The following VWA8 variants were observed in gnomAD, a reference collection of about 807,000 sequenced individuals.
VWA8 encodes the protein von Willebrand factor A domain containing 8, also known as von Willebrand factor A domain-containing protein 8.
Under a neutral mutation model 241.5 loss-of-function variants are expected in VWA8, and 221 were observed. The observed-to-expected ratio is 0.91, with a 90% CI of 0.82 to 1.02. The LOEUF (loss-of-function observed/expected upper bound fraction) is 1.02. VWA8 is among the 50% of genes least tolerant of loss of function. VWA8 has a pLI of 0.00. For synonymous variants in VWA8, 852 were observed against 827.1 expected, an observed-to-expected ratio of 1.03 and a Z score of -0.52; for missense variants, 2,322 against 2,328.7, an observed-to-expected ratio of 1.00 and a Z score of 0.06.
At chr13:41,804,254 A>G (rs1264393104) in intron 17 of VWA8, among the ~76,000 whole-genome samples, 3 of 152,196 alleles carry the variant, frequency 2.0e-5, no homozygotes, top group African/African-American at 7.2e-5. Flanking sequence ...AGGTACCTAA[A>G]AGCAGGAAGA....
intron 4 of VWA8, among the ~76,000 whole-genome samples, chr13:41,901,889 A>AAAAAAAAAT (rs1566500253): frequency 1.2e-5 from 1 of 83,328 alleles, no homozygotes; most frequent in Non-Finnish European, 2.2e-5. Context: ...AAAAAAAAAA[A>AAAAAAAAAT]ATATATATAT....
At chr13:41,735,970 G>T (rs1364073548) in intron 21 of VWA8, among the ~76,000 whole-genome samples, 2 of 152,092 alleles carry the variant, frequency 1.3e-5, no homozygotes, top group Non-Finnish European at 2.9e-5. Flanking sequence ...GACCCTAAGA[G>T]AATATTTTAT....
chr13:41,622,755 T>C (rs1302469725), intron 37 of VWA8, among the ~76,000 whole-genome samples: 1 of 152,238 alleles, frequency 6.6e-6, no homozygotes, highest in Non-Finnish European at 1.5e-5. Flanking sequence ...CCTGTAATTC[T>C]GGGCAAGGCC....
At chr13:41,929,548 C>CA (rs1016237709) in intron 2 of VWA8, among the ~76,000 whole-genome samples, 11 of 151,106 alleles carry the variant, frequency 7.3e-5, no homozygotes, top group African/African-American at 1.5e-4. Context: ...ATGATACTGG[C>CA]AAAAAAAAGA....
At chr13:41,785,532 G>T (rs761579067) in intron 18 of VWA8, among the ~76,000 whole-genome samples, 6 of 152,102 alleles carry the variant, frequency 3.9e-5, no homozygotes, top group Non-Finnish European at 8.8e-5. Context: ...AAGCGTTTTG[G>T]AAGACAATGG....
At chr13:41,926,614 A>G (rs1876854373) in intron 2 of VWA8, 1 of 546,348 alleles carries the variant, frequency 1.8e-6, no homozygotes, top group Non-Finnish European at 3.7e-6. Flanking sequence ...TGGCCTATGC[A>G]GACTACCACA....
intron 17 of VWA8, among the ~76,000 whole-genome samples, chr13:41,796,569 C>T (rs968231426): frequency 6.6e-6 from 1 of 151,912 alleles, no homozygotes; most frequent in African/African-American, 2.4e-5. Context: ...TTTACCAAGG[C>T]TTTATCTATT....
chr13:41,723,151 C>A (rs2045406329), intron 24 of VWA8, among the ~76,000 whole-genome samples: 1 of 152,100 alleles, frequency 6.6e-6, no homozygotes, highest in African/African-American at 2.4e-5. Context: ...AAAACATATT[C>A]TCTCTCTCTG....
chr13:41,894,999 T>C (rs553558488), intron 4 of VWA8, among the ~76,000 whole-genome samples: 1 of 151,842 alleles, frequency 6.6e-6, no homozygotes, highest in African/African-American at 2.4e-5. Flanking sequence ...ATAACAGTCT[T>C]TTTTTTTAAT....
intron 37 of VWA8, among the ~76,000 whole-genome samples, chr13:41,645,099 T>C (rs975645456): frequency 6.6e-6 from 1 of 152,210 alleles, no homozygotes; most frequent in Non-Finnish European, 1.5e-5. Flanking sequence ...AGGCACTTCA[T>C]CTGTAAAACA....
At chr13:41,573,752 G>C (rs954695006) in intron 43 of VWA8, among the ~76,000 whole-genome samples, 10 of 151,488 alleles carry the variant, frequency 6.6e-5, no homozygotes, top group Non-Finnish European at 1.0e-4. Context: ...CGGGTGGCTG[G>C]GATTGCGGGT....
intron 21 of VWA8, among the ~76,000 whole-genome samples, chr13:41,755,298 G>A (rs2045686583): frequency 6.6e-6 from 1 of 151,966 alleles, no homozygotes; most frequent in Non-Finnish European, 1.5e-5. Flanking sequence ...TTGGATACAA[G>A]CCATTTTAAC....
At chr13:41,713,417 A>T (rs2045330540) in intron 26 of VWA8, among the ~76,000 whole-genome samples, 1 of 152,232 alleles carries the variant, frequency 6.6e-6, no homozygotes, top group African/African-American at 2.4e-5. Context: ...TATATTTAAT[A>T]AAAATATTGG....
At chr13:41,718,257 C>T (rs186871033) in intron 26 of VWA8, among the ~76,000 whole-genome samples, 62 of 151,800 alleles carry the variant, frequency 4.1e-4, no homozygotes, top group African/African-American at 1.3e-3. Context: ...TTTACAAAAA[C>T]GAAGTAAATA....
intron 8 of VWA8, among the ~76,000 whole-genome samples, chr13:41,884,601 C>T (rs1874423908): frequency 6.7e-6 from 1 of 150,336 alleles, no homozygotes; most frequent in Admixed American, 6.7e-5. Context: ...GAAAAAAGCA[C>T]ATGCAAACAA....
At chr13:41,675,154 A>T in intron 36 of VWA8, 61 bp downstream of exon 36, 1 of 1,261,384 alleles carries the variant, frequency 7.9e-7, no homozygotes, top group Non-Finnish European at 1.1e-6. Flanking sequence ...CAGAGTACTT[A>T]GCAAGAATTT....
At chr13:41,830,763 T>C (rs112581194) in intron 13 of VWA8, 121 bp from the exon 14 acceptor site, 16 of 783,002 alleles carry the variant, frequency 2.0e-5, no homozygotes, top group African/African-American at 1.4e-4. Flanking sequence ...AATAATTTTG[T>C]TAGATGGACC....
At chr13:41,735,600 T>G (rs1364758928) in intron 21 of VWA8, among the ~76,000 whole-genome samples, 2 of 152,084 alleles carry the variant, frequency 1.3e-5, no homozygotes, top group Non-Finnish European at 2.9e-5. Flanking sequence ...AATTAGCCCC[T>G]TCATCTAGTA....
intron 42 of VWA8, among the ~76,000 whole-genome samples, chr13:41,586,072 G>T (rs1471943675): frequency 6.6e-6 from 1 of 151,592 alleles, no homozygotes; most frequent in East Asian, 1.9e-4. Context: ...GTCATCAATG[G>T]TCCAAGTGAT....
Sources: allele counts gnomAD v4.1 joint callset (sites outside exome capture counted in the v4.1 genomes callset), GRCh38; gene constraint gnomAD v4.1.1; transcripts MANE v1.5; gene names NCBI Gene and HGNC (gene_info 2026-07-23, HGNC 2026-07-21).